The following NRP2 variants were observed in gnomAD, a reference collection of about 807,000 sequenced individuals.
NRP2 encodes neuropilin-2.
A neutral mutation model predicts 110.4 loss-of-function variants in NRP2; 52 were observed. The observed-to-expected ratio is 0.47, with a 90% CI of 0.38 to 0.59. NRP2 has a LOEUF of 0.59. Ranked by LOEUF, NRP2 falls within the 20% of genes least tolerant of loss-of-function variation. NRP2 has a pLI of 0.00. For missense variants in NRP2, 1,049 were observed against 1,203.0 expected (o/e 0.87, Z 1.89); for synonymous variants, 508 against 468.9 (o/e 1.08, Z -1.08).
In NRP2 at chr2:205,721,951, G is replaced by C. The variant is rs2057021436; in HGVS notation, c.434-527G>C. Among the ~76,000 whole-genome samples the C allele has an allele frequency of 2.0e-5, 3 of 152,238 alleles. No individual in the cohort carries two copies. In the South Asian group the frequency reaches 6.2e-4, roughly 32 times the overall value. On this transcript the variant is annotated intron_variant, in intron 3 of 16. Coordinates refer to ENST00000357785, the MANE Select transcript of NRP2 (RefSeq NM_003872.3). Reference sequence around the variant, plus strand: ...CTCCCCTGAGGCACCTTGGATCTTGGAGGGAGAAGGGGGCACTTCGTTGGC... The same window carrying C: ...CTCCCCTGAGGCACCTTGGATCTTGCAGGGAGAAGGGGGCACTTCGTTGGC...
intron 12 of NRP2, chr2:205,762,440 G>A (rs1334922149): frequency 2.0e-5 from 3 of 152,226 alleles, no homozygotes; most frequent in Non-Finnish European, 4.4e-5. Flanking sequence ...GGTCCAGGGA[G>A]TATTGCATTG....
intron 12 of NRP2, among the ~76,000 whole-genome samples, chr2:205,753,817 A>G (rs2057690983): frequency 6.6e-6 from 1 of 152,198 alleles, no homozygotes; most frequent in Non-Finnish European, 1.5e-5. Flanking sequence ...ATCAATGGAG[A>G]TGGAGTTGAG....
intron 15 of NRP2, among the ~76,000 whole-genome samples, chr2:205,772,517 T>TG (rs1169243936): frequency 6.6e-6 from 1 of 152,250 alleles, no homozygotes; most frequent in Non-Finnish European, 1.5e-5. Flanking sequence ...TATCTGTTTC[T>TG]GATTATCTCA....
chr2:205,747,129 G>T (rs759018446), intron 10 of NRP2, among the ~76,000 whole-genome samples: 3 of 152,186 alleles, frequency 2.0e-5, no homozygotes, highest in Non-Finnish European at 4.4e-5. Context: ...CCAGGAGCTT[G>T]TAAGCCAGTG....
Position 205,684,714 on chromosome 2 carries a change from G to A in NRP2, c.73+1351G>A, listed in dbSNP as rs1055395883. ...GGGCAGCTGCAAATCCTGCCAAAGG[G>A]ATGGGTGGGGGTCCCACTTGGGGAG... On this transcript the variant is annotated intron_variant, in intron 1 of 16. Coordinates refer to ENST00000357785, the MANE Select transcript of NRP2 (RefSeq NM_003872.3). 2.0e-5 allele frequency among the ~76,000 whole-genome samples: 3 copies of A among 152,244 alleles called. No individual in the cohort carries two copies. In the East Asian group the frequency reaches 5.8e-4, roughly 29 times the overall value.
intron 5 of NRP2, among the ~76,000 whole-genome samples, chr2:205,724,649 G>A (rs1379872853): frequency 2.2e-5 from 3 of 134,806 alleles, no homozygotes; most frequent in Admixed American, 7.6e-5. Context: ...AAACCCAAAC[G>A]ATAACTTTTT....
chr2:205,749,584 A>T, intron 10 of NRP2, 141 bp from the exon 11 acceptor site: 1 of 709,012 alleles, frequency 1.4e-6, no homozygotes, highest in Non-Finnish European at 2.6e-6. Flanking sequence ...CTTCGTTGAC[A>T]GCACACAGAC....
Position 205,722,702 on chromosome 2 carries a change from C to T in NRP2, c.658C>T (p.Pro220Ser). Residue 220 changes from proline to serine, a missense_variant, in exon 4 of 17, where the codon CCA becomes TCA. By Grantham distance (74) the Pro-to-Ser change is moderately conservative. Coordinates refer to ENST00000357785, the MANE Select transcript of NRP2 (RefSeq NM_003872.3). ...TTGGCTGGACATCTGGGATGGCATT[C>T]CACATGGTGAGTGATGTCATGAGGC... ...YDWLDIWDGI[P>S]HVGPLIGKYC... The T allele has an allele frequency of 6.2e-7, 1 of 1,613,206 alleles. No homozygotes were observed. Among genetic ancestry groups the T allele is most frequent in the Non-Finnish European group, 8.5e-7 (1 of 1,179,174 alleles).
chr2:205,695,539 G>A (rs2056405956), intron 1 of NRP2, among the ~76,000 whole-genome samples: 3 of 152,080 alleles, frequency 2.0e-5, no homozygotes, highest in Non-Finnish European at 4.4e-5. Flanking sequence ...GAGAGTATGT[G>A]GAAACCATAA....
In NRP2 at chr2:205,707,266, G is replaced by A. The variant is rs558687618; in HGVS notation, c.252-8927G>A. 4.6e-4 allele frequency among the ~76,000 whole-genome samples: 70 copies of A among 152,326 alleles called. No homozygotes were observed. In the South Asian group the frequency reaches 0.014, roughly 30 times the overall value. ...CATGATGCTTCAGAATGCAGCTGTC[G>A]AAAGCATAGTCACAAACGGAAGCGG... On this transcript the variant is annotated intron_variant, in intron 2 of 16. Coordinates refer to ENST00000357785, the MANE Select transcript of NRP2 (RefSeq NM_003872.3).
chr2:205,790,954 C>T (rs2058294479), intron 15 of NRP2, among the ~76,000 whole-genome samples: 1 of 152,232 alleles, frequency 6.6e-6, no homozygotes, highest in Non-Finnish European at 1.5e-5. Context: ...TTGTTTTGTG[C>T]ATCCCTTACT....
At chr2:205,723,678 A>G (rs1455725798) in intron 4 of NRP2, 107 bp from the exon 5 acceptor site, 3 of 1,133,740 alleles carry the variant, frequency 2.6e-6, no homozygotes, top group Non-Finnish European at 3.9e-6. Flanking sequence ...CAAGATGTAC[A>G]AAGTGTGCTC....
At chr2:205,789,039 G>A (rs184308099) in intron 15 of NRP2, among the ~76,000 whole-genome samples, 1 of 152,262 alleles carries the variant, frequency 6.6e-6, no homozygotes, top group Admixed American at 6.5e-5. Context: ...TTCATGAGAA[G>A]CCCCTCAAAG....
chr2:205,683,446 A>G (rs2056061013), intron 1 of NRP2, 83 bp downstream of exon 1: 2 of 964,378 alleles, frequency 2.1e-6, no homozygotes, highest in Non-Finnish European at 3.3e-6. Flanking sequence ...GCCACGCAGA[A>G]CGGCACAGAA....
At chr2:205,683,468 C>G in intron 1 of NRP2, 105 bp downstream of exon 1, 1 of 799,610 alleles carries the variant, frequency 1.3e-6, no homozygotes, top group Non-Finnish European at 2.2e-6. Context: ...AAGGCTCCCT[C>G]AGTACTCAAT....
chr2:205,747,622 C>A (rs764856021), intron 10 of NRP2, among the ~76,000 whole-genome samples: 11 of 152,112 alleles, frequency 7.2e-5, no homozygotes, highest in Admixed American at 3.9e-4. Context: ...GAGAGTGATG[C>A]GTGGTTTGGG....
intron 15 of NRP2, among the ~76,000 whole-genome samples, chr2:205,789,785 A>G (rs1165439643): frequency 6.6e-6 from 1 of 152,206 alleles, no homozygotes; most frequent in South Asian, 2.1e-4. Flanking sequence ...CTGGCCTCCT[A>G]AGGAAACAGG....
intron 2 of NRP2, among the ~76,000 whole-genome samples, chr2:205,704,586 G>T (rs2056635114): frequency 6.6e-6 from 1 of 152,186 alleles, no homozygotes; most frequent in South Asian, 2.1e-4. Context: ...GGTCCACCCA[G>T]CAACTCCACC....
intron 5 of NRP2, among the ~76,000 whole-genome samples, chr2:205,724,160 A>G (rs540722242): frequency 2.0e-5 from 3 of 152,274 alleles, no homozygotes; most frequent in African/African-American, 7.2e-5. Flanking sequence ...AAAAATATAT[A>G]TATGTGTGTA....
Sources: allele counts gnomAD v4.1 joint callset (sites outside exome capture counted in the v4.1 genomes callset), GRCh38; gene constraint gnomAD v4.1.1; transcripts MANE v1.5; gene names NCBI Gene and HGNC (gene_info 2026-07-23, HGNC 2026-07-21).